The following ARHGAP15 variants were observed in gnomAD, a reference collection of about 807,000 sequenced individuals.
The protein encoded by ARHGAP15 is rho GTPase-activating protein 15.
In ARHGAP15, 51 loss-of-function variants were observed where a neutral mutation model predicts 63.7. That is an observed-to-expected ratio of 0.80 (90% CI 0.64 to 1.01). ARHGAP15 has a LOEUF of 1.01. ARHGAP15 is among the 50% of genes least tolerant of loss of function. ARHGAP15 has a pLI of 0.00. For missense variants in ARHGAP15, 560 were observed against 564.6 expected, an observed-to-expected ratio of 0.99 and a Z score of 0.08; for synonymous variants, 191 against 193.8, an observed-to-expected ratio of 0.99 and a Z score of 0.12.
At chr2:143,504,662 A>C (rs1431144368) in intron 9 of ARHGAP15, among the ~76,000 whole-genome samples, 1 of 152,178 alleles carries the variant, frequency 6.6e-6, no homozygotes, top group Non-Finnish European at 1.5e-5. Context: ...GGAGTCCCTG[A>C]AGTGTGTTGC....
chr2:143,486,418 A>AC (rs1692326184), intron 8 of ARHGAP15, among the ~76,000 whole-genome samples: 1 of 151,828 alleles, frequency 6.6e-6, no homozygotes, highest in African/African-American at 2.4e-5. Context: ...CAAAAAAAAA[A>AC]AAAAAACTTT....
intron 12 of ARHGAP15, among the ~76,000 whole-genome samples, chr2:143,639,194 T>A (rs935937566): frequency 6.6e-6 from 1 of 152,178 alleles, no homozygotes; most frequent in Non-Finnish European, 1.5e-5. Flanking sequence ...ATAAAGACTT[T>A]ATGTTGTTAA....
At chr2:143,443,214 C>T (rs1000547574) in intron 8 of ARHGAP15, among the ~76,000 whole-genome samples, 11 of 152,052 alleles carry the variant, frequency 7.2e-5, no homozygotes, top group African/African-American at 2.7e-4. Flanking sequence ...ACAGTCTAAT[C>T]CTGCCAATGT....
At chr2:143,541,918 C>A (rs1020254257) in intron 10 of ARHGAP15, among the ~76,000 whole-genome samples, 2 of 152,164 alleles carry the variant, frequency 1.3e-5, no homozygotes, top group Admixed American at 6.5e-5. Context: ...AGACAGGGAC[C>A]TTTAAGTCTG....
chr2:143,709,469 A>G (rs1684479376), intron 13 of ARHGAP15, among the ~76,000 whole-genome samples: 1 of 152,246 alleles, frequency 6.6e-6, no homozygotes, highest in Non-Finnish European at 1.5e-5. Context: ...ACTTTGTAAA[A>G]TAGGTTGAAA....
chr2:143,611,175 G>GT (rs900572759), intron 11 of ARHGAP15, among the ~76,000 whole-genome samples: 3 of 152,066 alleles, frequency 2.0e-5, no homozygotes. Context: ...TTGTTTGTTA[G>GT]TTTTTTTAAT....
chr2:143,466,012 A>T (rs1478511422), intron 8 of ARHGAP15, among the ~76,000 whole-genome samples: 1 of 152,138 alleles, frequency 6.6e-6, no homozygotes, highest in African/African-American at 2.4e-5. Flanking sequence ...GATGGTTTAC[A>T]ATGGAGACTG....
chr2:143,762,528 G>A (rs552884010), intron 13 of ARHGAP15, among the ~76,000 whole-genome samples: 2 of 152,202 alleles, frequency 1.3e-5, no homozygotes, highest in African/African-American at 2.4e-5. Context: ...GTGAAGCCAG[G>A]GTGGCATAGG....
At chr2:143,764,089 T>G (rs1022505183) in intron 13 of ARHGAP15, among the ~76,000 whole-genome samples, 30 of 152,296 alleles carry the variant, frequency 2.0e-4, no homozygotes, top group Admixed American at 1.3e-3. Flanking sequence ...AAAACGTGCA[T>G]AAGTTTTATT....
At chr2:143,338,132 T>G (rs968831353) in intron 6 of ARHGAP15, among the ~76,000 whole-genome samples, 1 of 152,202 alleles carries the variant, frequency 6.6e-6, no homozygotes, top group Non-Finnish European at 1.5e-5. Flanking sequence ...AGTGCTATTA[T>G]TATTCTTTGA....
chr2:143,254,242 A>C (rs955578374), intron 6 of ARHGAP15, among the ~76,000 whole-genome samples: 3 of 152,124 alleles, frequency 2.0e-5, no homozygotes, highest in African/African-American at 4.8e-5. Flanking sequence ...GATAGTTGTA[A>C]TAACTAAATA....
At chr2:143,605,346 G>A (rs138919311) in intron 11 of ARHGAP15, among the ~76,000 whole-genome samples, 26 of 152,290 alleles carry the variant, frequency 1.7e-4, no homozygotes, top group Admixed American at 7.2e-4. Context: ...CAGCGCCATA[G>A]CTGAATTCTC....
At chr2:143,490,889 A>G (rs979106158) in intron 9 of ARHGAP15, among the ~76,000 whole-genome samples, 1 of 152,138 alleles carries the variant, frequency 6.6e-6, no homozygotes, top group African/African-American at 2.4e-5. Context: ...TGGCCTCCCA[A>G]AGCGCTGGAA....
chr2:143,655,528 A>G (rs909597474), intron 12 of ARHGAP15, among the ~76,000 whole-genome samples: 1 of 152,222 alleles, frequency 6.6e-6, no homozygotes, highest in African/African-American at 2.4e-5. Flanking sequence ...CTTTTGATGC[A>G]TAATTTCTAG....
intron 11 of ARHGAP15, among the ~76,000 whole-genome samples, chr2:143,618,140 A>G (rs1698515116): frequency 6.6e-6 from 1 of 152,170 alleles, no homozygotes; most frequent in African/African-American, 2.4e-5. Flanking sequence ...CAGAAATCAG[A>G]CCAAACCATC....
At chr2:143,664,751 C>T (rs948725873) in intron 12 of ARHGAP15, among the ~76,000 whole-genome samples, 4 of 152,204 alleles carry the variant, frequency 2.6e-5, no homozygotes, top group African/African-American at 9.6e-5. Context: ...ACCGATCCCA[C>T]AGAAATACAA....
chr2:143,145,159 C>T (rs1689529883), intron 1 of ARHGAP15, among the ~76,000 whole-genome samples: 1 of 151,966 alleles, frequency 6.6e-6, no homozygotes, highest in Non-Finnish European at 1.5e-5. Context: ...TATTTCTGAC[C>T]CTTACTCTCA....
chr2:143,456,839 GAC>G (rs1427497188), intron 8 of ARHGAP15, among the ~76,000 whole-genome samples: 5 of 1,072 alleles, frequency 4.7e-3, no homozygotes, highest in Non-Finnish European at 9.3e-3. Flanking sequence ...TGTTTTGAAA[GAC>G]AGATTTGTGC....
chr2:143,153,725 A>T (rs1274856000), intron 1 of ARHGAP15, among the ~76,000 whole-genome samples: 1 of 151,948 alleles, frequency 6.6e-6, no homozygotes, highest in East Asian at 1.9e-4. Context: ...TTCTGTTAGC[A>T]TACCTTAGTT....
Sources: allele counts gnomAD v4.1 joint callset (sites outside exome capture counted in the v4.1 genomes callset), GRCh38; gene constraint gnomAD v4.1.1; transcripts MANE v1.5; gene names NCBI Gene and HGNC (gene_info 2026-07-23, HGNC 2026-07-21).